ZFHX3: variants seen among roughly 807,000 people sequenced by gnomAD.
The protein encoded by ZFHX3 is zinc finger homeobox protein 3.
In ZFHX3, 42 loss-of-function variants were observed where a neutral mutation model predicts 279.1. The observed-to-expected ratio is 0.15, with a 90% CI of 0.12 to 0.19. The LOEUF (loss-of-function observed/expected upper bound fraction) is 0.19. Ranked by LOEUF, ZFHX3 falls within the 10% of genes least tolerant of loss-of-function variation. The pLI is 1.00. For missense variants in ZFHX3, 4,981 were observed against 4,754.0 expected, an observed-to-expected ratio of 1.05 and a Z score of -1.40; for synonymous variants, 2,293 against 1,957.8, an observed-to-expected ratio of 1.17 and a Z score of -4.52.
At chr16:73,784,648 GA>G (rs1024221247) in intron 1 of ZFHX3, among the ~76,000 whole-genome samples, 4 of 151,910 alleles carry the variant, frequency 2.6e-5, no homozygotes, top group African/African-American at 9.7e-5. Flanking sequence ...TCGGGAGGCT[GA>G]GGCAGGAAAA....
At chr16:73,068,711 C>A (rs1965787144) in intron 8 of ZFHX3, among the ~76,000 whole-genome samples, 1 of 152,180 alleles carries the variant, frequency 6.6e-6, no homozygotes, top group South Asian at 2.1e-4. Flanking sequence ...AGATGACCAA[C>A]TGCTCATGAA....
At chr16:73,197,433 A>G (rs566478571) in intron 5 of ZFHX3, among the ~76,000 whole-genome samples, 2 of 152,254 alleles carry the variant, frequency 1.3e-5, no homozygotes, top group East Asian at 3.9e-4. Context: ...TGTCTGTTGT[A>G]TTTTTCATCT....
chr16:73,645,019 C>T lies in ZFHX3; in HGVS notation c.-1547+35161G>A, dbSNP rs146713130. Among the ~76,000 whole-genome samples, 36 of 152,284 alleles carry T rather than the reference C, an allele frequency of 2.4e-4. 1 individual carries two copies. In the East Asian group the frequency reaches 7.0e-3, roughly 29 times the overall value. On this transcript the variant is annotated intron_variant, in intron 2 of 17. Coordinates refer to the ZFHX3 transcript ENST00000641206. ...TACCTGATTCACTGGCATGACTGAACACAGTTTAGGGGAGGCAGGAGAGAG... is the reference window on the plus strand; with the variant it reads ...TACCTGATTCACTGGCATGACTGAATACAGTTTAGGGGAGGCAGGAGAGAG...
chr16:72,808,831 T>C (rs2036350948), intron 7 of ZFHX3, among the ~76,000 whole-genome samples: 1 of 152,244 alleles, frequency 6.6e-6, no homozygotes, highest in African/African-American at 2.4e-5. Context: ...CACAATTTTA[T>C]ATTTGCAAAA....
chr16:72,842,110 T>C (rs1013455643), intron 4 of ZFHX3, among the ~76,000 whole-genome samples: 1 of 152,238 alleles, frequency 6.6e-6, no homozygotes. Context: ...GATCCTTCCG[T>C]GTACACACTG....
At chr16:73,713,750 T>G (rs1322923804) in intron 1 of ZFHX3, among the ~76,000 whole-genome samples, 1 of 152,168 alleles carries the variant, frequency 6.6e-6, no homozygotes, top group Non-Finnish European at 1.5e-5. Flanking sequence ...TCAATCCATA[T>G]GCTCACGCTT....
intron 4 of ZFHX3, among the ~76,000 whole-genome samples, chr16:73,289,184 A>C (rs1043909632): frequency 6.6e-6 from 1 of 151,750 alleles, no homozygotes; most frequent in Admixed American, 6.6e-5. Context: ...CAATATTTAA[A>C]AACCGTGTGG....
At chr16:73,022,494 C>A (rs1964336212) in intron 1 of ZFHX3, among the ~76,000 whole-genome samples, 4 of 152,162 alleles carry the variant, frequency 2.6e-5, no homozygotes, top group Admixed American at 2.0e-4. Context: ...CTGTCCTGGG[C>A]ATCGCAGGAT....
At chr16:73,070,044 GT>G (rs1192478969) in intron 8 of ZFHX3, among the ~76,000 whole-genome samples, 1 of 152,050 alleles carries the variant, frequency 6.6e-6, no homozygotes, top group Non-Finnish European at 1.5e-5. Flanking sequence ...CCATTTTAAA[GT>G]GCCCCGAACT....
chr16:72,874,607 C>T (rs1412204839), intron 4 of ZFHX3, among the ~76,000 whole-genome samples: 2 of 152,130 alleles, frequency 1.3e-5, no homozygotes, highest in Admixed American at 6.5e-5. Flanking sequence ...GTGGAACCTT[C>T]ACTTCTGCAC....
intron 1 of ZFHX3, among the ~76,000 whole-genome samples, chr16:72,971,196 A>G (rs559635688): frequency 2.0e-5 from 3 of 152,340 alleles, no homozygotes; most frequent in South Asian, 2.1e-4. Context: ...TATAGATACT[A>G]TATCTTATAC....
chr16:73,605,183 A>G (rs1390413374), intron 2 of ZFHX3, among the ~76,000 whole-genome samples: 1 of 151,952 alleles, frequency 6.6e-6, no homozygotes, highest in Non-Finnish European at 1.5e-5. Flanking sequence ...CTTTCAAGAC[A>G]CTCTTAAAAT....
chr16:73,864,515 T>C (rs1961961137), intron 1 of ZFHX3, among the ~76,000 whole-genome samples: 1 of 152,122 alleles, frequency 6.6e-6, no homozygotes, highest in Admixed American at 6.5e-5. Flanking sequence ...GGCCAGGAGC[T>C]CGAGACCAGC....
At chr16:72,812,953 T>G (rs566469956) in intron 5 of ZFHX3, among the ~76,000 whole-genome samples, 7 of 152,186 alleles carry the variant, frequency 4.6e-5, no homozygotes, top group African/African-American at 9.7e-5. Context: ...TCAGGGTTTA[T>G]AGTTAGGAAA....
At chr16:72,977,583 G>C (rs1962403742) in intron 1 of ZFHX3, among the ~76,000 whole-genome samples, 1 of 75,592 alleles carries the variant, frequency 1.3e-5, no homozygotes, top group Non-Finnish European at 3.5e-5. Context: ...CCCTGTCGTG[G>C]GTCAGTGGGG....
At chr16:73,304,972 G>T (rs146369386) in intron 4 of ZFHX3, among the ~76,000 whole-genome samples, 172 of 152,258 alleles carry the variant, frequency 1.1e-3, no homozygotes, top group Non-Finnish European at 1.7e-3. Context: ...GTGCCGTCTG[G>T]AAGATAGATT....
At chr16:73,484,431 A>G (rs1375514021) in intron 2 of ZFHX3, among the ~76,000 whole-genome samples, 1 of 152,186 alleles carries the variant, frequency 6.6e-6, no homozygotes, top group Non-Finnish European at 1.5e-5. Flanking sequence ...CGCCCTTGGC[A>G]TTCCCTTGAG....
At chr16:73,730,842 A>G (rs532182478) in intron 1 of ZFHX3, among the ~76,000 whole-genome samples, 1 of 152,244 alleles carries the variant, frequency 6.6e-6, no homozygotes, top group Non-Finnish European at 1.5e-5. Context: ...ATTCTAAGGA[A>G]TAAGAACTTC....
chr16:73,647,633 T>C (rs1340116498), intron 2 of ZFHX3, among the ~76,000 whole-genome samples: 1 of 152,132 alleles, frequency 6.6e-6, no homozygotes, highest in Non-Finnish European at 1.5e-5. Flanking sequence ...TAGTTCTTTA[T>C]AGCAGTGTGG....
Sources: allele counts gnomAD v4.1 joint callset (sites outside exome capture counted in the v4.1 genomes callset), GRCh38; gene constraint gnomAD v4.1.1; transcripts MANE v1.5; gene names NCBI Gene and HGNC (gene_info 2026-07-23, HGNC 2026-07-21).